PFKM: variants seen among roughly 807,000 people sequenced by gnomAD.
The protein encoded by PFKM is phosphofructokinase, muscle.
A neutral mutation model predicts 95.5 loss-of-function variants in PFKM; 58 were observed. That is an observed-to-expected ratio of 0.61 (90% CI 0.49 to 0.76). PFKM has a LOEUF of 0.76. PFKM is among the 30% of genes least tolerant of loss of function. The pLI, the probability that PFKM is intolerant of heterozygous loss-of-function variation, is 0.00. For synonymous variants in PFKM, 336 were observed against 357.2 expected, an observed-to-expected ratio of 0.94 and a Z score of 0.67; for missense variants, 678 against 1,005.4, an observed-to-expected ratio of 0.67 and a Z score of 4.40.
chr12:48,107,097 G>A (rs923700494), intron 1 of PFKM, among the ~76,000 whole-genome samples: 4 of 152,128 alleles, frequency 2.6e-5, no homozygotes, highest in African/African-American at 9.7e-5. Context: ...ACAGCCACAG[G>A]CACAGTCTGA....
chr12:48,123,080 C>T (rs1948450716), intron 2 of PFKM, among the ~76,000 whole-genome samples: 1 of 152,134 alleles, frequency 6.6e-6, no homozygotes, highest in African/African-American at 2.4e-5. Context: ...TCTTTGAAGA[C>T]AGGGGGCTCT....
chr12:48,142,967 T>C, intron 18 of PFKM, 21 bp downstream of exon 18: 1 of 1,608,662 alleles, frequency 6.2e-7, no homozygotes, highest in South Asian at 1.1e-5. Context: ...ACCCAGAGCC[T>C]GCTAGATAGC....
rs557362173 is a variant in PFKM, at chr12:48,145,725, G to C, written c.*17G>C. On this transcript the variant is annotated 3_prime_UTR_variant, in exon 23 of 23. Coordinates refer to ENST00000359794, the MANE Select transcript of PFKM (RefSeq NM_000289.6). The surrounding 1 kb of genome is among the most constrained non-coding windows in gnomAD (Gnocchi z 4.3). The stretch of plus-strand genomic sequence containing the variant: ...GCCGTCTAAACCTCTCTGGAGTGAG[G>C]GGAATAGATTACCTGATCATGGTCA... 6.2e-7 allele frequency: 1 copy of C among 1,613,202 alleles called. No individual in the cohort carries two copies. Among genetic ancestry groups the C allele is most frequent in the Admixed American group, 1.7e-5 (1 of 60,014 alleles).
chr12:48,131,737 A>G (rs1408789061), intron 4 of PFKM: 4 of 379,032 alleles, frequency 1.1e-5, no homozygotes, highest in Non-Finnish European at 2.0e-5. Context: ...AGCCAGAGCC[A>G]GAAGTGGAGC....
At chr12:48,114,565 G>A (rs1947505113), upstream of PFKM, among the ~76,000 whole-genome samples, 1 of 152,012 alleles carries the variant, frequency 6.6e-6, no homozygotes, top group Non-Finnish European at 1.5e-5. Flanking sequence ...GGAGCAGTCT[G>A]GGGAGGAGGT....
intron 11 of PFKM, 141 bp from the exon 12 acceptor site, chr12:48,139,144 G>T: frequency 1.4e-6 from 1 of 714,132 alleles, no homozygotes; most frequent in East Asian, 2.7e-5. Context: ...GAAAGTTTGG[G>T]GGCATAGGAA....
chr12:48,130,379 C>CA lies in PFKM; in HGVS notation c.103dup (p.Arg35LysfsTer19). 1.2e-6 allele frequency: 2 copies of CA among 1,613,842 alleles called. No individual in the cohort carries two copies. Among genetic ancestry groups the CA allele is most frequent in the Non-Finnish European group, 1.7e-6 (2 of 1,179,690 alleles). On this transcript the variant is annotated frameshift_variant, in exon 3 of 23. Transcript: ENST00000359794. LOFTEE classifies it high-confidence loss of function. The stretch of plus-strand genomic sequence containing the variant: ...TCCTTTCAGGTATGAATGCTGCTGT[C>CA]AGGGCTGTGGTTCGAGTTGGTATCT...
chr12:48,128,948 A>G (rs958203059), intron 2 of PFKM, among the ~76,000 whole-genome samples: 9 of 152,184 alleles, frequency 5.9e-5, no homozygotes, highest in Non-Finnish European at 1.2e-4. Flanking sequence ...CATGGTAGGA[A>G]AGGAATGTCT....
upstream of PFKM, among the ~76,000 whole-genome samples, chr12:48,115,828 C>T (rs370858357): frequency 2.6e-5 from 4 of 152,220 alleles, no homozygotes; most frequent in East Asian, 3.9e-4. Flanking sequence ...TTTATTTATC[C>T]ATTCTTTAGT....
At position 48,123,416 on chromosome 12, in the gene PFKM, G is replaced by A. The variant is rs555365257; in HGVS notation, c.85+557G>A. On this transcript the variant is annotated intron_variant, in intron 2 of 22. Coordinates refer to ENST00000359794, the MANE Select transcript of PFKM (RefSeq NM_000289.6). ...CAATACAGATCCGGTATGAGGTGGA[G>A]GGGCAGAAAACAGAGCCAGCAAAAA... Among the ~76,000 whole-genome samples the A allele has an allele frequency of 1.1e-4, 17 of 152,264 alleles. No individual in the cohort carries two copies. The South Asian group carries it at 1.5e-3, about 13-fold the overall frequency.
chr12:48,131,316 G>T lies in PFKM; in HGVS notation c.160G>T (p.Gly54Cys). The T allele has an allele frequency of 1.2e-6, 2 of 1,607,896 alleles. No individual in the cohort carries two copies. Among genetic ancestry groups the T allele is most frequent in the South Asian group, 2.2e-5 (2 of 90,964 alleles). Residue 54 changes from glycine (G) to cysteine (C), a missense_variant and splice_region_variant, in exon 4 of 23, where the codon GGT becomes TGT. By Grantham distance (159) the Gly-to-Cys change is radical (BLOSUM62 -3). Coordinates refer to ENST00000359794, the MANE Select transcript of PFKM (RefSeq NM_000289.6). ...TGARVFFVHE[G>C]YQGLVDGGDH... is the part of the protein sequence containing the mutation. ...TGAACAGGTATAATGTGTCACACAG[G>T]GTTATCAAGGCCTGGTGGATGGTGG...
rs764625356 is a variant in PFKM at position 48,133,484 on chromosome 12, A to G, written c.593+4A>G. ...CCATCACTACCACTGCCCAGAGGTA[A>G]GGGGACTTGGGAGGTAGGCAGTGTA... On this transcript the variant is annotated splice_donor_region_variant and intron_variant, in intron 6 of 22. Transcript: ENST00000359794. 1.2e-6 allele frequency: 2 copies of G among 1,613,068 alleles called. No homozygotes were observed. Among genetic ancestry groups the G allele is most frequent in the East Asian group, 2.2e-5 (1 of 44,868 alleles).
chr12:48,107,406 C>T, exon 2 of PFKM: 3 of 1,598,878 alleles, frequency 1.9e-6, no homozygotes, highest in Non-Finnish European at 1.7e-6. Flanking sequence ...TGAAATTTTT[C>T]ATGTGTGTGA....
At chr12:48,108,131 T>G in exon 3 of PFKM, 1 of 1,599,356 alleles carries the variant, frequency 6.3e-7, no homozygotes, top group Non-Finnish European at 8.5e-7. Context: ...GACAGACATC[T>G]TGAAGAGTCT....
Position 48,126,966 on chromosome 12 carries a change from T to G in PFKM, c.86-3397T>G, listed in dbSNP as rs539988446. On this transcript the variant is annotated intron_variant, in intron 2 of 22. Coordinates refer to ENST00000359794, the MANE Select transcript of PFKM (RefSeq NM_000289.6). ...GCCCCTCTCTTCACAGATTTTTTGG[T>G]TTTGATGCCTTCAACTTAAGGTTGT... 3.3e-5 allele frequency among the ~76,000 whole-genome samples: 5 copies of G among 152,346 alleles called. No homozygotes were observed. In the East Asian group the frequency reaches 9.6e-4, roughly 29 times the overall value.
At chr12:48,137,923 C>T in intron 11 of PFKM, 77 bp downstream of exon 11, 2 of 1,501,128 alleles carry the variant, frequency 1.3e-6, no homozygotes, top group African/African-American at 2.7e-5. Context: ...GAGACTATGT[C>T]TAAGGCCACT....
upstream of PFKM, chr12:48,105,379 AAG>A (rs1474411377): frequency 5.8e-6 from 3 of 519,034 alleles, no homozygotes; most frequent in African/African-American, 5.8e-5. Flanking sequence ...TACACCAAGA[AAG>A]AGACGGTTCA....
intron 18 of PFKM, 35 bp downstream of exon 18, chr12:48,142,981 C>G (rs1359012676): frequency 6.3e-7 from 1 of 1,594,604 alleles, no homozygotes. Flanking sequence ...AGATAGCTCT[C>G]CCCTGTCTCC....
upstream of PFKM, among the ~76,000 whole-genome samples, chr12:48,117,014 C>T (rs372707080): frequency 2.6e-4 from 40 of 152,284 alleles, 1 homozygote; most frequent in South Asian, 7.7e-3. Flanking sequence ...CTGTGCTCCA[C>T]CTATTAATCT....
Sources: gnomAD v4.1 joint callset for allele counts (sites outside exome capture counted in the v4.1 genomes callset) on GRCh38, gnomAD v4.1.1 for gene constraint, Gnocchi (gnomAD v3.1) non-coding constraint, MANE v1.5 for transcripts, NCBI Gene and HGNC (gene_info 2026-07-23, HGNC 2026-07-21) for gene names.